The following CLDN2 variants were observed in gnomAD, a reference collection of about 807,000 sequenced individuals.
CLDN2 encodes the protein claudin 2.
A neutral mutation model predicts 8.2 loss-of-function variants in CLDN2; 1 was observed. That is an observed-to-expected ratio of 0.12 (90% CI 0.04 to 0.58). The LOEUF (loss-of-function observed/expected upper bound fraction) is 0.58, where lower values mean the gene tolerates loss of function less well. CLDN2 is among the 20% of genes least tolerant of loss of function. The pLI is 0.90. For missense variants in CLDN2, 108 were observed against 172.9 expected (o/e 0.62, Z 2.11); for synonymous variants, 70 against 70.2 (o/e 1.00, Z 0.01).
chrX:106,916,380 A>G (rs1401370672), upstream of CLDN2, among the ~76,000 whole-genome samples: 1 of 111,272 alleles, frequency 9.0e-6, no homozygotes, highest in African/African-American at 3.3e-5. Flanking sequence ...GGCTTGAGAA[A>G]CTGAAAGGAA....
At chrX:106,903,256 G>GT in intron 1 of CLDN2, 1 of 1,208,857 alleles carries the variant, frequency 8.3e-7, no homozygotes, top group Non-Finnish European at 1.1e-6. Context: ...TGGAACAGGG[G>GT]TGGCAGCAGC....
At chrX:106,904,741 G>A (rs1933156146) in intron 1 of CLDN2, among the ~76,000 whole-genome samples, 2 of 112,127 alleles carry the variant, frequency 1.8e-5, no homozygotes, top group Non-Finnish European at 3.8e-5. Context: ...AAATCATTGG[G>A]CAGTTACACA....
intron 1 of CLDN2, chrX:106,901,415 G>A (rs947858932): frequency 9.3e-7 from 1 of 1,074,293 alleles, no homozygotes; most frequent in Non-Finnish European, 1.3e-6. Flanking sequence ...AGACCTTTGT[G>A]AAGATTCAAA....
At chrX:106,921,716 C>T (rs926000191) in intron 1 of CLDN2, among the ~76,000 whole-genome samples, 1 of 112,043 alleles carries the variant, frequency 8.9e-6, no homozygotes, top group African/African-American at 3.2e-5. Flanking sequence ...AATCTTGACC[C>T]TCCTAATCCT....
intron 1 of CLDN2, among the ~76,000 whole-genome samples, chrX:106,908,991 C>T (rs893726336): frequency 3.6e-5 from 4 of 111,474 alleles, no homozygotes; most frequent in Admixed American, 1.9e-4. Context: ...GTCTCATTGC[C>T]GGGTGTAACA....
chrX:106,901,612 G>T, intron 1 of CLDN2: 1 of 1,024,370 alleles, frequency 9.8e-7, no homozygotes, highest in Non-Finnish European at 1.4e-6. Context: ...CTAGAGGTCA[G>T]AAAGCTGCAG....
At chrX:106,908,443 C>T (rs1933207116) in intron 1 of CLDN2, among the ~76,000 whole-genome samples, 2 of 111,413 alleles carry the variant, frequency 1.8e-5, no homozygotes, top group Admixed American at 1.9e-4. Flanking sequence ...TGCAGCCTCC[C>T]TCAACTCTAT....
At chrX:106,907,903 G>A (rs921249684) in intron 1 of CLDN2, among the ~76,000 whole-genome samples, 1 of 111,269 alleles carries the variant, frequency 9.0e-6, no homozygotes, top group Non-Finnish European at 1.9e-5. Context: ...TCCCATAAAT[G>A]TTTATTGAAT....
chrX:106,927,574 C>A (rs1057089496), intron 1 of CLDN2, among the ~76,000 whole-genome samples: 2 of 111,779 alleles, frequency 1.8e-5, no homozygotes, highest in African/African-American at 6.5e-5. Context: ...AGATTTTCAC[C>A]ATGGGCAGAA....
intron 1 of CLDN2, among the ~76,000 whole-genome samples, chrX:106,924,871 C>T (rs6622121): frequency 0.45 from 46,348 of 103,742 alleles, 8,356 homozygotes; most frequent in East Asian, 0.93. Flanking sequence ...TACACTGAAG[C>T]GTTATTGACT....
chrX:106,922,556 T>C (rs1190700519), intron 1 of CLDN2, among the ~76,000 whole-genome samples: 1 of 112,217 alleles, frequency 8.9e-6, no homozygotes. Context: ...CAGTAGGTCT[T>C]CCCCTTGAAA....
chrX:106,900,525 C>T, intron 1 of CLDN2: 4 of 480,352 alleles, frequency 8.3e-6, no homozygotes, highest in Non-Finnish European at 1.3e-5. Flanking sequence ...GTGAGCTGGG[C>T]AGCTAGATGA....
chrX:106,926,652 T>C (rs113237156), intron 1 of CLDN2, among the ~76,000 whole-genome samples: 12,433 of 107,590 alleles, frequency 0.12, 1,861 homozygotes, highest in African/African-American at 0.4. Context: ...CACTTGAGCT[T>C]AGGAGTTCAA....
At chrX:106,921,150 G>A (rs1198397039) in intron 1 of CLDN2, among the ~76,000 whole-genome samples, 3 of 112,388 alleles carry the variant, frequency 2.7e-5, no homozygotes, top group South Asian at 7.4e-4. Context: ...CGGGGAGATC[G>A]TAGGCGATTT....
intron 1 of CLDN2, among the ~76,000 whole-genome samples, chrX:106,913,159 A>G (rs1192969762): frequency 9.0e-6 from 1 of 111,023 alleles, no homozygotes; most frequent in East Asian, 2.8e-4. Flanking sequence ...CAGTGGCACA[A>G]TCTTGGCTCA....
intron 1 of CLDN2, among the ~76,000 whole-genome samples, chrX:106,907,201 T>C (rs1009807869): frequency 1.8e-5 from 2 of 111,495 alleles, no homozygotes; most frequent in African/African-American, 6.5e-5. Context: ...TTGGCCTCCA[T>C]GATCACGCTT....
chrX:106,912,431 T>C (rs897657317), intron 1 of CLDN2, among the ~76,000 whole-genome samples: 8 of 90,758 alleles, frequency 8.8e-5, no homozygotes, highest in East Asian at 3.2e-4. Flanking sequence ...TTTTTTTTTT[T>C]CAGACAGAGT....
At chrX:106,919,012 T>C (rs1310267625), upstream of CLDN2, among the ~76,000 whole-genome samples, 1 of 112,528 alleles carries the variant, frequency 8.9e-6, no homozygotes, top group Non-Finnish European at 1.9e-5. Flanking sequence ...TGCTGGGTTA[T>C]AGTGAAAATG....
chrX:106,900,933 C>T (rs1426635020), intron 1 of CLDN2: 3 of 1,198,807 alleles, frequency 2.5e-6, no homozygotes, highest in Non-Finnish European at 3.4e-6. Context: ...GAAACATGGC[C>T]CCTAACAGGT....
Sources: gnomAD v4.1 joint callset for allele counts (sites outside exome capture counted in the v4.1 genomes callset) on GRCh38, gnomAD v4.1.1 for gene constraint, MANE v1.5 for transcripts, NCBI Gene and HGNC (gene_info 2026-07-23, HGNC 2026-07-21) for gene names.